LRRCC1: variants seen among roughly 807,000 people sequenced by gnomAD.
LRRCC1 encodes leucine rich repeat and coiled-coil centrosomal protein 1, also known as leucine-rich repeat and coiled-coil domain-containing protein 1.
A neutral mutation model predicts 126.0 loss-of-function variants in LRRCC1; 115 were observed. The observed-to-expected ratio is 0.91, with a 90% CI of 0.78 to 1.07. The LOEUF is 1.07. Among genes scored for constraint, LRRCC1 ranks in the 50% least tolerant of loss-of-function variants. The probability of loss-of-function intolerance (pLI) is 0.00; values close to 1 mark genes in which losing one functional copy is unlikely to be tolerated. For synonymous variants in LRRCC1, 400 were observed against 393.4 expected (o/e 1.02, Z -0.20); for missense variants, 1,172 against 1,175.7 (o/e 1.00, Z 0.05).
intron 18 of LRRCC1, among the ~76,000 whole-genome samples, chr8:85,144,973 G>A (rs1047438249): frequency 9.3e-5 from 14 of 150,404 alleles, no homozygotes; most frequent in African/African-American, 3.4e-4. Flanking sequence ...CCAACTGCTT[G>A]GGAGGCTGAG....
chr8:85,127,541 C>G (rs1810108984), intron 9 of LRRCC1, among the ~76,000 whole-genome samples: 1 of 152,126 alleles, frequency 6.6e-6, no homozygotes, highest in Non-Finnish European at 1.5e-5. Context: ...GGAAGTTGCT[C>G]TTGGTTCCAT....
In LRRCC1 at chr8:85,109,643, T is replaced by C. The variant is rs746264748; in HGVS notation, c.153T>C (p.His51=). The change falls in exon 2 of 19, where the codon CAT becomes CAC. Residue 51 remains histidine, a synonymous_variant. Coordinates refer to ENST00000360375, the MANE Select transcript of LRRCC1 (RefSeq NM_033402.5). ...CAACTCTTCATGCCGTCAATCTTCA[T>C]TGCAATAACATCTCCAAGATCGAAG... ...LDSTLHAVNL[H]CNNISKIEAI... The C allele has an allele frequency of 2.5e-5, 41 of 1,611,642 alleles. 1 individual carries two copies. The South Asian group carries it at 3.3e-4, about 13-fold the overall frequency.
At chr8:85,113,967 G>A (rs928465796) in intron 4 of LRRCC1, among the ~76,000 whole-genome samples, 1 of 152,016 alleles carries the variant, frequency 6.6e-6, no homozygotes, top group South Asian at 2.1e-4. Context: ...AGCTACAGAG[G>A]CTTCATTTTA....
chr8:85,109,930 T>C (rs976325339), intron 2 of LRRCC1, 130 bp downstream of exon 2: 2 of 629,652 alleles, frequency 3.2e-6, no homozygotes, highest in African/African-American at 3.7e-5. Context: ...TACAAAATAT[T>C]TTCTCCAAAA....
intron 17 of LRRCC1, among the ~76,000 whole-genome samples, chr8:85,141,144 G>A (rs1255079261): frequency 6.6e-6 from 1 of 152,094 alleles, no homozygotes; most frequent in Non-Finnish European, 1.5e-5. Context: ...GAAAATGAAA[G>A]TGTAAAAAAC....
chr8:85,141,048 A>G (rs761015871), intron 17 of LRRCC1, among the ~76,000 whole-genome samples: 14 of 152,152 alleles, frequency 9.2e-5, no homozygotes, highest in Non-Finnish European at 1.5e-4. Context: ...CCTGAGTGAC[A>G]CAGCCAGACC....
intron 17 of LRRCC1, 25 bp from the exon 18 acceptor site, chr8:85,141,357 A>G: frequency 1.9e-6 from 3 of 1,596,012 alleles, no homozygotes; most frequent in Non-Finnish European, 2.6e-6. Flanking sequence ...ACACATATAT[A>G]TGTGGATGTT....
At position 85,130,159 on chromosome 8, in the gene LRRCC1, G is replaced by A. The variant is rs1474273344; in HGVS notation, c.1766+101G>A. The A allele has an allele frequency of 8.8e-5, 73 of 834,022 alleles. No homozygotes were observed. In the Middle Eastern group the frequency reaches 1.7e-3, roughly 19 times the overall value. 51.7% of individuals were successfully genotyped at this position (834,022 alleles called of 1,614,324 possible). ...TATTTTTTTTTTTTTTTTTTGAGAC[G>A]GAGTCTTGCTCTGTCGTCCAGGCTG... On this transcript the variant is annotated intron_variant, in intron 11 of 18. Coordinates refer to ENST00000360375, the MANE Select transcript of LRRCC1 (RefSeq NM_033402.5).
chr8:85,137,768 A>G (rs753063140), intron 15 of LRRCC1, 141 bp downstream of exon 15: 4 of 599,506 alleles, frequency 6.7e-6, no homozygotes, highest in Non-Finnish European at 1.1e-5. Context: ...TTTTTATAAT[A>G]TTTGCCCTTT....
At chr8:85,137,130 A>C (rs1810931745) in intron 14 of LRRCC1, among the ~76,000 whole-genome samples, 1 of 152,146 alleles carries the variant, frequency 6.6e-6, no homozygotes, top group African/African-American at 2.4e-5. Flanking sequence ...CCCAGCCAAG[A>C]TATTTGGTCT....
chr8:85,134,387 G>T (rs553977543), intron 12 of LRRCC1, among the ~76,000 whole-genome samples: 118 of 152,188 alleles, frequency 7.8e-4, no homozygotes, highest in African/African-American at 2.7e-3. Flanking sequence ...GTGCTATCTC[G>T]GCTCACTGCA....
At position 85,141,415 on chromosome 8, in the gene LRRCC1, T is replaced by A. The variant is rs1341644698; in HGVS notation, c.2874T>A (p.Asp958Glu). ...NAMEKLHSMD[D>E]AFKRQVDAIV... ...TGGAAAAACTTCATAGTATGGATGA[T>A]GCCTTTAAAAGACAAGTTGATGCAA... The change falls in exon 18 of 19, where the codon GAT becomes GAA. Residue 958 changes from aspartate (D) to glutamate (E), a missense_variant. Asp to Glu is a conservative substitution (Grantham distance 45, BLOSUM62 2). Transcript: ENST00000360375. The A allele has an allele frequency of 1.9e-6, 3 of 1,613,120 alleles. No individual in the cohort carries two copies. Among genetic ancestry groups the A allele is most frequent in the Non-Finnish European group, 1.7e-6 (2 of 1,179,434 alleles).
intron 14 of LRRCC1, 75 bp downstream of exon 14, chr8:85,136,038 A>C (rs1810836645): frequency 8.0e-7 from 1 of 1,254,928 alleles, no homozygotes. Flanking sequence ...GGAGAGAAAA[A>C]GACTCAACTC....
At chr8:85,116,270 T>G (rs538236777) in intron 6 of LRRCC1, among the ~76,000 whole-genome samples, 1 of 152,224 alleles carries the variant, frequency 6.6e-6, no homozygotes, top group Non-Finnish European at 1.5e-5. Flanking sequence ...TATTACTTTA[T>G]TTGCCTTCTA....
intron 6 of LRRCC1, among the ~76,000 whole-genome samples, chr8:85,119,373 T>C (rs1415772385): frequency 1.3e-5 from 2 of 152,206 alleles, no homozygotes; most frequent in Admixed American, 1.3e-4. Flanking sequence ...GTTTTGATGA[T>C]CTTTTCAGAG....
chr8:85,109,995 C>T (rs993750193), intron 2 of LRRCC1, 120 bp from the exon 3 acceptor site: 19 of 606,130 alleles, frequency 3.1e-5, no homozygotes, highest in African/African-American at 1.1e-4. Flanking sequence ...AAATTGATTT[C>T]GCTGTTACCA....
chr8:85,124,897 AAT>A lies in LRRCC1; in HGVS notation c.1231_1232del (p.Ile411Ter). ...AATCAGAAAAGCCAAAGACTGAAAT[AAT>A]TAAAGTAGACCAAAGTCACTCAGAA... ...QESEKPKTEI[I>X]KVDQSHSEDN... On this transcript the variant is annotated frameshift_variant, in exon 8 of 19. Transcript: ENST00000360375. LOFTEE classifies it high-confidence loss of function. 6.2e-7 allele frequency: 1 copy of A among 1,608,104 alleles called. No homozygotes were observed. The highest frequency in any genetic ancestry group is 8.5e-7 in the Non-Finnish European group (1 of 1,177,290).
chr8:85,139,524 C>T (rs925917469), intron 17 of LRRCC1, among the ~76,000 whole-genome samples: 2 of 152,112 alleles, frequency 1.3e-5, no homozygotes, highest in African/African-American at 4.8e-5. Flanking sequence ...CCTCGGCCTG[C>T]CAAAGTGCTG....
At chr8:85,131,464 G>A (rs997185326) in intron 11 of LRRCC1, among the ~76,000 whole-genome samples, 22 of 152,186 alleles carry the variant, frequency 1.4e-4, no homozygotes, top group Admixed American at 1.4e-3. Flanking sequence ...TAGATACAGT[G>A]AAGCATCTTA....
Sources: allele counts gnomAD v4.1 joint callset (sites outside exome capture counted in the v4.1 genomes callset), GRCh38; gene constraint gnomAD v4.1.1; transcripts MANE v1.5; gene names NCBI Gene and HGNC (gene_info 2026-07-23, HGNC 2026-07-21).